Variants in WDR5 observed in about 807,000 individuals in gnomAD.
WDR5 encodes WD repeat-containing protein 5.
For synonymous variants in WDR5, 144 were observed against 161.6 expected, an observed-to-expected ratio of 0.89 and a Z score of 0.83; for missense variants, 187 against 416.9, an observed-to-expected ratio of 0.45 and a Z score of 4.80.
chr9:134,142,329 A>G lies in WDR5; in HGVS notation c.355-4A>G, dbSNP rs28562287. 8.1e-6 allele frequency: 13 copies of G among 1,613,136 alleles called. No homozygotes were observed. Among genetic ancestry groups the G allele is most frequent in the South Asian group, 2.2e-5 (2 of 91,044 alleles). ...GGAATAATCCTAATAATACTCTGTT[A>G]TAGGGCAAGTGTCTGAAAACCCTGA... On this transcript the variant is annotated splice_region_variant and splice_polypyrimidine_tract_variant and intron_variant, in intron 5 of 13. Transcript: ENST00000358625.
intron 5 of WDR5, 96 bp from the exon 6 acceptor site, chr9:134,142,236 AG>A (rs1375295321): frequency 5.7e-5 from 77 of 1,359,300 alleles, no homozygotes; most frequent in Non-Finnish European, 1.0e-5. Context: ...GCGGGGCATC[AG>A]GCATGCTTTG....
intron 8 of WDR5, 55 bp downstream of exon 8, chr9:134,148,398 T>C (rs1369118127): frequency 6.7e-7 from 1 of 1,485,068 alleles, no homozygotes; most frequent in African/African-American, 1.4e-5. Flanking sequence ...AAGGGCCAGC[T>C]CTTGCACTGT....
intron 7 of WDR5, among the ~76,000 whole-genome samples, chr9:134,145,096 G>GTTGTTTTTTT (rs1554726635): frequency 2.9e-5 from 3 of 104,664 alleles, no homozygotes; most frequent in African/African-American, 1.0e-4. Flanking sequence ...GTGGGGCTTT[G>GTTGTTTTTTT]TTTTTTTTTT....
intron 8 of WDR5, among the ~76,000 whole-genome samples, chr9:134,149,300 G>C (rs1221988410): frequency 2.0e-5 from 3 of 152,228 alleles, no homozygotes; most frequent in Non-Finnish European, 2.9e-5. Flanking sequence ...CCGGGCCATC[G>C]CCTCGCAAGG....
At chr9:134,153,987 A>C (rs948525118) in intron 9 of WDR5, among the ~76,000 whole-genome samples, 3 of 152,160 alleles carry the variant, frequency 2.0e-5, no homozygotes, top group Admixed American at 1.3e-4. Context: ...AGTCCAGCTG[A>C]TAGGCCTGGG....
Position 134,140,692 on chromosome 9 carries a change from C to T in WDR5, c.82-11C>T. ...TGGTGGTGACTTTTTGCTAACTGGT[C>T]TTTCCTGCAGCCTACACCTGTGAAG... is the stretch of plus-strand genomic sequence containing the variant. On this transcript the variant is annotated splice_polypyrimidine_tract_variant and intron_variant, in intron 2 of 13. Coordinates refer to ENST00000358625, the MANE Select transcript of WDR5 (RefSeq NM_017588.3). 1 of 1,613,404 alleles carries T rather than the reference C, an allele frequency of 6.2e-7. No homozygotes were observed. Among genetic ancestry groups the T allele is most frequent in the Non-Finnish European group, 8.5e-7 (1 of 1,179,350 alleles).
chr9:134,153,776 T>G (rs1588179022), intron 9 of WDR5, among the ~76,000 whole-genome samples: 1 of 151,338 alleles, frequency 6.6e-6, no homozygotes, highest in African/African-American at 2.4e-5. Context: ...GGCCCAGGGG[T>G]GGGGCCTGCA....
intron 7 of WDR5, 75 bp from the exon 8 acceptor site, chr9:134,148,210 TTGA>T: frequency 3.6e-5 from 13 of 361,256 alleles, no homozygotes; most frequent in Non-Finnish European, 5.3e-5. Context: ...TTTTTTTTTT[TTGA>T]GATCAGGTAA....
At chr9:134,137,314 C>T (rs1246053670) in intron 1 of WDR5, among the ~76,000 whole-genome samples, 1 of 152,180 alleles carries the variant, frequency 6.6e-6, no homozygotes, top group Non-Finnish European at 1.5e-5. Context: ...CCCCCGCTTT[C>T]CTCAAGATCA....
intron 9 of WDR5, among the ~76,000 whole-genome samples, chr9:134,152,904 C>CCCTGGTGCCT (rs1832565845): frequency 6.6e-6 from 1 of 152,196 alleles, no homozygotes; most frequent in African/African-American, 2.4e-5. Context: ...ACACCAGTGT[C>CCCTGGTGCCT]CCTGGTGCCT....
rs1351344980 is a variant in WDR5 at position 134,157,716 on chromosome 9, C to A, written c.905-177C>A. On this transcript the variant is annotated intron_variant, in intron 13 of 13. Transcript: ENST00000358625. This position sits in a 1 kb window ranked among gnomAD's most constrained non-coding sequence, Gnocchi z 5.0. ...CCTGGTACCGGCTGCTGTCCCCTCG[C>A]TCCCCTCCCCTGGGCTCCCTGTGTC... Among the ~76,000 whole-genome samples the A allele has an allele frequency of 6.6e-6, 1 of 152,156 alleles. No homozygotes were observed. The highest frequency in any genetic ancestry group is 2.4e-5 in the African/African-American group (1 of 41,440).
At chr9:134,140,016 C>G (rs148938148) in intron 2 of WDR5, 58 bp downstream of exon 2, 1 of 1,585,384 alleles carries the variant, frequency 6.3e-7, no homozygotes, top group Non-Finnish European at 8.7e-7. Flanking sequence ...TAGAGAGTCT[C>G]GGAAACATCT....
At position 134,157,881 on chromosome 9, in the gene WDR5, C is replaced by G. The variant is rs372845188; in HGVS notation, c.905-12C>G. 1.9e-6 allele frequency: 3 copies of G among 1,613,850 alleles called. No homozygotes were observed. The highest frequency in any genetic ancestry group is 2.5e-6 in the Non-Finnish European group (3 of 1,179,744). On this transcript the variant is annotated splice_polypyrimidine_tract_variant and intron_variant, in intron 13 of 13. Coordinates refer to ENST00000358625, the MANE Select transcript of WDR5 (RefSeq NM_017588.3). The surrounding 1 kb of genome is among the most constrained non-coding windows in gnomAD (Gnocchi z 5.0). ...GGGATGGCTCTGGTTCTGACTGTGTCTTTGTTTTCAGATGTCGTGATCTCA... is the reference window on the plus strand; with the variant it reads ...GGGATGGCTCTGGTTCTGACTGTGTGTTTGTTTTCAGATGTCGTGATCTCA...
chr9:134,157,513 C>T lies in WDR5; in HGVS notation c.905-380C>T, dbSNP rs1832800348. ...GACATTGTCGATAAAGGACTGAGGA[C>T]TGTGAGGGGTCTGACTGCAGTCCTT... On this transcript the variant is annotated intron_variant, in intron 13 of 13. Transcript: ENST00000358625. The surrounding 1 kb of genome is among the most constrained non-coding windows in gnomAD (Gnocchi z 5.0). Among the ~76,000 whole-genome samples, 1 of 152,140 alleles carries T rather than the reference C, an allele frequency of 6.6e-6. No homozygotes were observed. Among genetic ancestry groups the T allele is most frequent in the South Asian group, 2.1e-4 (1 of 4,826 alleles).
intron 7 of WDR5, among the ~76,000 whole-genome samples, chr9:134,147,974 G>T (rs1475682893): frequency 1.3e-5 from 2 of 152,014 alleles, no homozygotes; most frequent in African/African-American, 2.4e-5. Flanking sequence ...GGCCAATATG[G>T]TGAAACCCCG....
intron 8 of WDR5, among the ~76,000 whole-genome samples, chr9:134,149,422 T>G (rs1381363985): frequency 6.6e-6 from 1 of 152,220 alleles, no homozygotes; most frequent in East Asian, 1.9e-4. Flanking sequence ...GTCTCCACGG[T>G]TAAAGCCATC....
At chr9:134,137,143 G>A (rs2132516139) in intron 1 of WDR5, among the ~76,000 whole-genome samples, 1 of 152,306 alleles carries the variant, frequency 6.6e-6, no homozygotes, top group East Asian at 1.9e-4. Flanking sequence ...GAGGGACTCA[G>A]GAATCGGCCT....
chr9:134,152,145 A>G, intron 9 of WDR5, 116 bp downstream of exon 9: 1 of 1,226,828 alleles, frequency 8.2e-7, no homozygotes, highest in African/African-American at 1.5e-5. Flanking sequence ...CCGCCCCTGC[A>G]GGAGGAACCT....
rs903352908 is a variant in WDR5, at chr9:134,140,827, G to T, written c.190+16G>T. 1.2e-6 allele frequency: 2 copies of T among 1,608,578 alleles called. No individual in the cohort carries two copies. The highest frequency in any genetic ancestry group is 1.3e-5 in the African/African-American group (1 of 74,836). The stretch of plus-strand genomic sequence containing the variant: ...GCAAGTTCATGTACGTAGCACTGAG[G>T]CCCTTAGCTGCTGGGAGAGGCGGTC... On this transcript the variant is annotated intron_variant, in intron 3 of 13. Coordinates refer to ENST00000358625, the MANE Select transcript of WDR5 (RefSeq NM_017588.3).
Sources: allele counts gnomAD v4.1 joint callset (sites outside exome capture counted in the v4.1 genomes callset), GRCh38; gene constraint gnomAD v4.1.1; non-coding constraint Gnocchi (gnomAD v3.1); transcripts MANE v1.5; gene names NCBI Gene and HGNC (gene_info 2026-07-23, HGNC 2026-07-21).